Variants in NHEJ1 observed in about 807,000 individuals in gnomAD.
NHEJ1 encodes non-homologous end joining factor 1.
NHEJ1 carries 22 observed loss-of-function variants against 39.4 expected under a neutral mutation model. The ratio of observed to expected loss-of-function variants is 0.56; its 90% confidence interval spans 0.40 to 0.80. NHEJ1 has a LOEUF of 0.80. Ranked by LOEUF, NHEJ1 falls within the 30% of genes least tolerant of loss-of-function variation. NHEJ1 has a pLI of 0.00. For missense variants in NHEJ1, 329 were observed against 357.1 expected (o/e 0.92, Z 0.63); for synonymous variants, 154 against 135.6 (o/e 1.14, Z -0.94).
At chr2:219,118,769 T>G (rs891537954) in intron 5 of NHEJ1, among the ~76,000 whole-genome samples, 8 of 151,892 alleles carry the variant, frequency 5.3e-5, no homozygotes, top group Non-Finnish European at 8.8e-5. Context: ...AGGAACAAGC[T>G]GAAGGAATGA....
chr2:219,135,109 C>T (rs367655961), intron 5 of NHEJ1, among the ~76,000 whole-genome samples: 1 of 148,404 alleles, frequency 6.7e-6, no homozygotes, highest in Non-Finnish European at 1.5e-5. Context: ...TAAATTAACT[C>T]TAATTATAAA....
intron 5 of NHEJ1, among the ~76,000 whole-genome samples, chr2:219,116,991 G>T (rs1173768655): frequency 6.6e-6 from 1 of 152,144 alleles, no homozygotes; most frequent in Non-Finnish European, 1.5e-5. Flanking sequence ...ACAGAGCTGA[G>T]AGGAGAGGAA....
intron 5 of NHEJ1, among the ~76,000 whole-genome samples, chr2:219,133,162 A>G (rs1425398819): frequency 2.6e-5 from 4 of 152,254 alleles, no homozygotes; most frequent in African/African-American, 7.2e-5. Context: ...AATACTGGAC[A>G]GCTAAGCTGC....
chr2:219,131,102 A>C (rs1949574148), intron 5 of NHEJ1, among the ~76,000 whole-genome samples: 3 of 152,142 alleles, frequency 2.0e-5, no homozygotes, highest in Non-Finnish European at 4.4e-5. Context: ...AAAAAGAAAA[A>C]AAACAAACAA....
intron 5 of NHEJ1, among the ~76,000 whole-genome samples, chr2:219,079,546 CA>C (rs1169924146): frequency 6.6e-6 from 1 of 152,210 alleles, no homozygotes; most frequent in Non-Finnish European, 1.5e-5. Context: ...CCTATCCCCA[CA>C]AAGACTATAT....
intron 5 of NHEJ1, among the ~76,000 whole-genome samples, chr2:219,114,508 A>G (rs993476669): frequency 5.9e-5 from 9 of 152,248 alleles, no homozygotes; most frequent in African/African-American, 2.2e-4. Context: ...AGATGACAGC[A>G]GCATAAGTAC....
chr2:219,103,482 G>A (rs1178136624), intron 5 of NHEJ1, among the ~76,000 whole-genome samples: 2 of 151,980 alleles, frequency 1.3e-5, no homozygotes. Flanking sequence ...CACCATGTTG[G>A]CCAGGATGGT....
At chr2:219,135,060 T>A (rs1191447661) in intron 5 of NHEJ1, among the ~76,000 whole-genome samples, 1 of 54,226 alleles carries the variant, frequency 1.8e-5, no homozygotes, top group Non-Finnish European at 4.7e-5. Flanking sequence ...AAAAAAAAAA[T>A]TCAACATGTA....
Position 219,157,599 on chromosome 2 carries a change from G to A in NHEJ1, c.263C>T (p.Ala88Val). ...NLLRPLLKDA[A>V]HPSEATFSCD... ...GGAGAAGGTAGCTTCGCTAGGGTGA[G>A]CAGCGTCCTTCAACAATGGGCGAAG... is the stretch of plus-strand genomic sequence containing the variant. The change falls in exon 3 of 8, where the codon GCT becomes GTT. Residue 88 changes from alanine to valine, a missense_variant. Transcript: ENST00000356853. 1 of 1,614,188 alleles carries A rather than the reference G, an allele frequency of 6.2e-7. No individual in the cohort carries two copies. The highest frequency in any genetic ancestry group is 8.5e-7 in the Non-Finnish European group (1 of 1,180,042).
intron 5 of NHEJ1, among the ~76,000 whole-genome samples, chr2:219,082,962 T>C (rs1331341025): frequency 6.6e-6 from 1 of 152,222 alleles, no homozygotes; most frequent in East Asian, 1.9e-4. Context: ...AGGTCTCAAA[T>C]GGCCAGAGGG....
intron 5 of NHEJ1, among the ~76,000 whole-genome samples, chr2:219,145,746 A>T (rs1454481775): frequency 2.0e-5 from 3 of 152,116 alleles, no homozygotes; most frequent in Non-Finnish European, 2.9e-5. Flanking sequence ...CAGCCTGACC[A>T]ACATGGAGAA....
chr2:219,157,671 C>G lies in NHEJ1; in HGVS notation c.191G>C (p.Arg64Pro), dbSNP rs758194433. ...GAAAGCTGCAGGAGGAGCAGTGAGC[C>G]GCTTGTTCAGCTCCTAAAGAGAGAG... Reference protein sequence around the residue: ...VSQRAKELNKRLTAPPAAFLC... With the variant: ...VSQRAKELNKPLTAPPAAFLC... Residue 64 changes from arginine to proline, a missense_variant, in exon 3 of 8, where the codon CGG (arginine) becomes CCG (proline). Arg to Pro is a moderately radical substitution (Grantham distance 103, BLOSUM62 -2). Coordinates refer to ENST00000356853, the MANE Select transcript of NHEJ1 (RefSeq NM_024782.3). The G allele has an allele frequency of 1.2e-6, 2 of 1,613,384 alleles. No homozygotes were observed. Among genetic ancestry groups the G allele is most frequent in the African/African-American group, 2.7e-5 (2 of 74,876 alleles).
chr2:219,108,381 GGCTAT>G (rs1163740254), intron 5 of NHEJ1, among the ~76,000 whole-genome samples: 2 of 152,146 alleles, frequency 1.3e-5, no homozygotes, highest in Non-Finnish European at 1.5e-5. Context: ...GATAGGTTTT[GGCTAT>G]CAAGGACACC....
chr2:219,137,471 C>T (rs1443405997), intron 5 of NHEJ1, among the ~76,000 whole-genome samples: 1 of 151,268 alleles, frequency 6.6e-6, no homozygotes, highest in African/African-American at 2.4e-5. Context: ...AGAATGTGCC[C>T]CATCTCCCTC....
chr2:219,157,709 G>GT, intron 2 of NHEJ1, 25 bp from the exon 3 acceptor site: 1 of 1,594,502 alleles, frequency 6.3e-7, no homozygotes, highest in Non-Finnish European at 8.6e-7. Context: ...GTGGTACAGA[G>GT]TAAGGGTGCT....
intron 2 of NHEJ1, 140 bp from the exon 3 acceptor site, chr2:219,157,824 G>A: frequency 1.3e-6 from 1 of 754,678 alleles, no homozygotes. Context: ...ACATCACAAG[G>A]GGAAAGAAGA....
At chr2:219,086,208 G>A (rs948395968) in intron 5 of NHEJ1, among the ~76,000 whole-genome samples, 1 of 152,022 alleles carries the variant, frequency 6.6e-6, no homozygotes, top group Non-Finnish European at 1.5e-5. Context: ...TTATTTTGGG[G>A]TTTTTTTCTT....
chr2:219,108,330 C>T (rs1949332356), intron 5 of NHEJ1, among the ~76,000 whole-genome samples: 1 of 152,170 alleles, frequency 6.6e-6, no homozygotes, highest in African/African-American at 2.4e-5. Context: ...AGAGTTGAAT[C>T]CTGAGTTCAG....
intron 5 of NHEJ1, among the ~76,000 whole-genome samples, chr2:219,141,907 C>T (rs147457437): frequency 2.6e-5 from 4 of 152,236 alleles, no homozygotes; most frequent in African/African-American, 9.6e-5. Context: ...ACAAGCTTAA[C>T]AAGATGGCAA....
Sources: gnomAD v4.1 joint callset for allele counts (sites outside exome capture counted in the v4.1 genomes callset) on GRCh38, gnomAD v4.1.1 for gene constraint, MANE v1.5 for transcripts, NCBI Gene and HGNC (gene_info 2026-07-23, HGNC 2026-07-21) for gene names.